Variants in CACNA1C observed in about 807,000 individuals in gnomAD.
CACNA1C encodes the protein voltage-dependent L-type calcium channel subunit alpha-1C.
In CACNA1C, 30 loss-of-function variants were observed where a neutral mutation model predicts 229.0. That is an observed-to-expected ratio of 0.13 (90% CI 0.10 to 0.18). The LOEUF is 0.18. Ranked by LOEUF, CACNA1C falls within the 10% of genes least tolerant of loss-of-function variation. The probability of loss-of-function intolerance (pLI) is 1.00; values close to 1 mark genes in which losing one functional copy is unlikely to be tolerated. For synonymous variants in CACNA1C, 1,114 were observed against 1,132.5 expected (o/e 0.98, Z 0.33); for missense variants, 1,658 against 2,845.0 (o/e 0.58, Z 9.49).
chr12:2,485,340 C>A (rs1001493454), intron 5 of CACNA1C, among the ~76,000 whole-genome samples: 7 of 152,140 alleles, frequency 4.6e-5, no homozygotes, highest in Non-Finnish European at 7.3e-5. Flanking sequence ...TGATAACCAC[C>A]TTCCTGTCAT....
intron 11 of CACNA1C, among the ~76,000 whole-genome samples, chr12:2,563,227 C>T (rs1168501301): frequency 1.3e-5 from 2 of 152,224 alleles, no homozygotes; most frequent in Non-Finnish European, 2.9e-5. Context: ...TTTTTTATAG[C>T]TGAACAATAT....
intron 3 of CACNA1C, among the ~76,000 whole-genome samples, chr12:2,369,609 G>T (rs2097801053): frequency 6.6e-6 from 1 of 151,864 alleles, no homozygotes; most frequent in East Asian, 1.9e-4. Context: ...TCACCATGTT[G>T]GCCAGGCTGG....
intron 3 of CACNA1C, among the ~76,000 whole-genome samples, chr12:2,277,826 C>A (rs1165296925): frequency 6.6e-6 from 1 of 152,238 alleles, no homozygotes; most frequent in Non-Finnish European, 1.5e-5. Flanking sequence ...TGCTTTATTG[C>A]ATGTTAATAC....
rs1262171750 is a variant in CACNA1C at position 2,310,342 on chromosome 12, TAA to T, written c.478-138624_478-138623del. The stretch of plus-strand genomic sequence containing the variant: ...CCTGTCCTGTCCTCTGCCTCCCAGT[TAA>T]AAAAAAAAATATATATATATATATA... On this transcript the variant is annotated intron_variant, in intron 3 of 46. Transcript: ENST00000399655. 7.0e-3 allele frequency among the ~76,000 whole-genome samples: 1,014 copies of T among 144,068 alleles called. 9 individuals are homozygous for T. The highest frequency in any genetic ancestry group is 0.024 in the African/African-American group (915 of 37,774). 94.5% of individuals were successfully genotyped at this position (144,068 alleles called of 152,430 possible).
chr12:2,651,606 G>A lies in CACNA1C; in HGVS notation c.3946-34G>A. On this transcript the variant is annotated intron_variant, in intron 31 of 46. Transcript: ENST00000399655. The surrounding 1 kb of genome is among the most constrained non-coding windows in gnomAD (Gnocchi z 5.4). ...CCTGTTCTCACCCCCCTCTTGCTGT[G>A]CTAACTGCACCTCCTGTTGCCGACG... The A allele has an allele frequency of 6.2e-7, 1 of 1,613,884 alleles. No individual in the cohort carries two copies. Among genetic ancestry groups the A allele is most frequent in the Non-Finnish European group, 8.5e-7 (1 of 1,179,856 alleles).
rs1227249512 is a variant in CACNA1C at position 2,346,782 on chromosome 12, TG to T, written c.478-102193del. Among the ~76,000 whole-genome samples the T allele has an allele frequency of 2.6e-5, 4 of 152,202 alleles. No homozygotes were observed. The highest frequency in any genetic ancestry group is 9.7e-5 in the African/African-American group (4 of 41,444). On this transcript the variant is annotated intron_variant, in intron 3 of 46. Coordinates refer to ENST00000399655, the MANE Select transcript of CACNA1C (RefSeq NM_000719.7). This position sits in a 1 kb window ranked among gnomAD's most constrained non-coding sequence, Gnocchi z 4.4. ...AAAACTTGATTTTGCATCCAGCTCATGATAAGCATATAGCAGCATATACACA... is the reference window on the plus strand; with the variant it reads ...AAAACTTGATTTTGCATCCAGCTCATATAAGCATATAGCAGCATATACACA...
In CACNA1C at chr12:2,486,809, A is replaced by AG. The variant is rs1411558220; in HGVS notation, c.916+549dup. 6.6e-6 allele frequency among the ~76,000 whole-genome samples: 1 copy of AG among 152,164 alleles called. No homozygotes were observed. The highest frequency in any genetic ancestry group is 1.5e-5 in the Non-Finnish European group (1 of 68,020). On this transcript the variant is annotated intron_variant, in intron 6 of 46. Coordinates refer to ENST00000399655, the MANE Select transcript of CACNA1C (RefSeq NM_000719.7). This position sits in a 1 kb window ranked among gnomAD's most constrained non-coding sequence, Gnocchi z 4.9. ...GCAGATGCCCCAGAGCCCCTATTCC[A>AG]GGTGGGGGAGGAGGGCAGGTGGGAA...
At chr12:2,043,809 T>TCA (rs2050600242) in intron 1 of CACNA1C, among the ~76,000 whole-genome samples, 2 of 112,810 alleles carry the variant, frequency 1.8e-5, no homozygotes, top group Non-Finnish European at 3.8e-5. Context: ...GCGCCCGCCA[T>TCA]TGCGCCCGGC....
intron 4 of CACNA1C, among the ~76,000 whole-genome samples, chr12:2,456,244 G>A (rs368017826): frequency 1.3e-5 from 2 of 152,138 alleles, no homozygotes; most frequent in East Asian, 3.9e-4. Flanking sequence ...GGTAAATCTG[G>A]TATCTAACTT....
intron 3 of CACNA1C, among the ~76,000 whole-genome samples, chr12:2,381,611 C>G (rs1826666244): frequency 6.6e-6 from 1 of 152,190 alleles, no homozygotes; most frequent in South Asian, 2.1e-4. Context: ...CCCTCCACCC[C>G]AGGACACTGT....
chr12:2,072,201 A>T (rs927034737), intron 1 of CACNA1C, among the ~76,000 whole-genome samples: 41 of 150,906 alleles, frequency 2.7e-4, no homozygotes, highest in Middle Eastern at 3.5e-3. Context: ...ATATACAAAA[A>T]ATATATATAT....
chr12:2,615,921 G>A (rs564278263), intron 29 of CACNA1C, among the ~76,000 whole-genome samples: 2 of 152,308 alleles, frequency 1.3e-5, no homozygotes, highest in Non-Finnish European at 2.9e-5. Flanking sequence ...GGTTCACCCC[G>A]TGGAAGGCTC....
chr12:2,480,250 C>T (rs545265226), intron 5 of CACNA1C, among the ~76,000 whole-genome samples: 40 of 152,270 alleles, frequency 2.6e-4, no homozygotes, highest in African/African-American at 8.4e-4. Flanking sequence ...CAGGCTACGT[C>T]GCAGTCTGGA....
chr12:2,572,581 TC>T (rs1568501489), intron 13 of CACNA1C, among the ~76,000 whole-genome samples: 4 of 18,840 alleles, frequency 2.1e-4, no homozygotes, highest in Non-Finnish European at 2.3e-4. Context: ...CCTTCTCCTC[TC>T]CTCCTCCTTC....
chr12:2,216,931 G>A (rs2060125828), intron 3 of CACNA1C, among the ~76,000 whole-genome samples: 1 of 152,142 alleles, frequency 6.6e-6, no homozygotes, highest in African/African-American at 2.4e-5. Context: ...AAAAGTCTAG[G>A]GGCTTTTGGA....
intron 3 of CACNA1C, among the ~76,000 whole-genome samples, chr12:2,191,623 C>T (rs2097217117): frequency 6.6e-6 from 1 of 152,008 alleles, no homozygotes; most frequent in South Asian, 2.1e-4. Flanking sequence ...GGCACACATG[C>T]ACTCACAGGC....
At chr12:1,991,116 G>C (rs780926330) in intron 1 of CACNA1C, 6 of 456,070 alleles carry the variant, frequency 1.3e-5, no homozygotes, top group South Asian at 9.3e-5. Context: ...CATCCCAAAG[G>C]CTACCTTTAA....
At position 2,377,403 on chromosome 12, in the gene CACNA1C, A is replaced by G. The variant is rs533569335; in HGVS notation, c.478-71573A>G. ...CGAACACCACATGCACCCAGCTGCA[A>G]CAGCGCTGCACCCCTGACCTACTCA... On this transcript the variant is annotated intron_variant, in intron 3 of 46. Coordinates refer to ENST00000399655, the MANE Select transcript of CACNA1C (RefSeq NM_000719.7). Among the ~76,000 whole-genome samples the G allele has an allele frequency of 1.2e-4, 18 of 152,294 alleles. 1 individual carries two copies. The East Asian group carries it at 2.3e-3, about 20-fold the overall frequency.
At chr12:2,659,937 A>T (rs957908409) in intron 34 of CACNA1C, 2 of 189,556 alleles carry the variant, frequency 1.1e-5, no homozygotes, top group Admixed American at 9.2e-5. Flanking sequence ...CTACTTCAAG[A>T]TGAAGCAGAA....
Sources: gnomAD v4.1 joint callset for allele counts (sites outside exome capture counted in the v4.1 genomes callset) on GRCh38, gnomAD v4.1.1 for gene constraint, Gnocchi (gnomAD v3.1) non-coding constraint, MANE v1.5 for transcripts, NCBI Gene and HGNC (gene_info 2026-07-23, HGNC 2026-07-21) for gene names.